Variants in COL5A2 observed in about 807,000 individuals in gnomAD.
COL5A2 encodes the protein collagen type V alpha 2 chain.
A neutral mutation model predicts 208.2 loss-of-function variants in COL5A2; 23 were observed. The observed-to-expected ratio is 0.11, with a 90% CI of 0.08 to 0.16. The LOEUF (loss-of-function observed/expected upper bound fraction) is 0.16, where lower values mean the gene tolerates loss of function less well. COL5A2 is among the 10% of genes least tolerant of loss of function. COL5A2 has a pLI of 1.00. For missense variants in COL5A2, 1,590 were observed against 1,956.4 expected (o/e 0.81, Z 3.53); for synonymous variants, 625 against 628.5 (o/e 0.99, Z 0.08).
chr2:189,258,703 T>C, the COL5A2 span, among the ~76,000 whole-genome samples: 1 of 152,156 alleles, frequency 6.6e-6, no homozygotes, highest in Non-Finnish European at 1.5e-5. Flanking sequence ...TCCATTCATA[T>C]ATGGGATTTA....
At chr2:189,066,600 G>A in intron 22 of COL5A2, 103 bp from the exon 23 acceptor site, 1 of 1,353,900 alleles carries the variant, frequency 7.4e-7, no homozygotes, top group South Asian at 1.2e-5. Flanking sequence ...TAAAGTATAT[G>A]GAACAATGAG....
intron 1 of COL5A2, among the ~76,000 whole-genome samples, chr2:189,170,940 T>C (rs1207055576): frequency 6.6e-6 from 1 of 152,148 alleles, no homozygotes; most frequent in Non-Finnish European, 1.5e-5. Context: ...TGGGAATGTG[T>C]AAAACGGATT....
At chr2:189,078,284 A>G (rs1459440848) in intron 16 of COL5A2, among the ~76,000 whole-genome samples, 1 of 152,136 alleles carries the variant, frequency 6.6e-6, no homozygotes, top group African/African-American at 2.4e-5. Flanking sequence ...AGTAGATGAC[A>G]AATGTACTGT....
the COL5A2 span, among the ~76,000 whole-genome samples, chr2:189,398,066 C>T: frequency 0.028 from 4,241 of 152,182 alleles, 195 homozygotes; most frequent in African/African-American, 0.097. Context: ...CATGATAGAA[C>T]TGCTCAATTT....
At chr2:189,065,121 G>T (rs960545296) in intron 23 of COL5A2, 64 bp from the exon 24 acceptor site, 2 of 1,448,424 alleles carry the variant, frequency 1.4e-6, no homozygotes, top group Admixed American at 3.6e-5. Context: ...TAATGAATAG[G>T]TGATTTTTAT....
At chr2:189,415,180 G>C in the COL5A2 span, among the ~76,000 whole-genome samples, 1 of 152,106 alleles carries the variant, frequency 6.6e-6, no homozygotes, top group Non-Finnish European at 1.5e-5. Flanking sequence ...GTTATGGTAA[G>C]TTAGCACTCC....
At chr2:189,235,828 C>G in the COL5A2 span, among the ~76,000 whole-genome samples, 1 of 151,590 alleles carries the variant, frequency 6.6e-6, no homozygotes, top group Non-Finnish European at 1.5e-5. Context: ...ACTGTTGGCC[C>G]TTGACTAGCA....
the COL5A2 span, among the ~76,000 whole-genome samples, chr2:189,312,164 GTC>G: frequency 6.6e-6 from 1 of 152,166 alleles, no homozygotes; most frequent in Non-Finnish European, 1.5e-5. Flanking sequence ...AATGACTCCA[GTC>G]TCTGACCTGG....
the COL5A2 span, among the ~76,000 whole-genome samples, chr2:189,374,078 T>A: frequency 1.3e-5 from 2 of 152,160 alleles, no homozygotes; most frequent in Admixed American, 6.5e-5. Context: ...GCAGTCTGCA[T>A]GAACCTTACC....
At chr2:189,419,758 T>C in the COL5A2 span, among the ~76,000 whole-genome samples, 2 of 150,936 alleles carry the variant, frequency 1.3e-5, no homozygotes, top group African/African-American at 2.4e-5. Context: ...ATCCTACCAC[T>C]GCACTTCAGC....
chr2:189,185,244 C>G (rs62182459), intron 1 of COL5A2, among the ~76,000 whole-genome samples: 23,488 of 152,104 alleles, frequency 0.15, 2,099 homozygotes, highest in South Asian at 0.2. Context: ...AGGCTGGTCT[C>G]AAACTCCTGA....
chr2:189,064,388 T>C (rs1686100001), intron 25 of COL5A2, among the ~76,000 whole-genome samples, 169 bp downstream of exon 25: 1 of 152,032 alleles, frequency 6.6e-6, no homozygotes, highest in African/African-American at 2.4e-5. Context: ...ATGATAAAAA[T>C]AACAAACCAG....
In COL5A2 at chr2:189,121,735, T is replaced by TAAA. The variant is rs1576540807; in HGVS notation, c.98-11287_98-11286insTTT. 1.1e-3 allele frequency among the ~76,000 whole-genome samples: 5 copies of TAAA among 4,356 alleles called. No homozygotes were observed. The East Asian group carries it at 0.049, about 43-fold the overall frequency. The allele number at this position is 4,356 out of a possible 152,430, so 2.9% of individuals were successfully genotyped here. ...CTGGGTGACAGAGTGAGACTCCGTCTCAAAAAAAAAAAAAAAAAAAAAAAG... is the reference window on the plus strand; with the variant it reads ...CTGGGTGACAGAGTGAGACTCCGTCTAAACAAAAAAAAAAAAAAAAAAAAAAAG... On this transcript the variant is annotated intron_variant, in intron 1 of 53. Coordinates refer to ENST00000374866, the MANE Select transcript of COL5A2 (RefSeq NM_000393.5).
chr2:189,224,385 A>AT (rs1689386081), intron 1 of COL5A2, among the ~76,000 whole-genome samples: 1 of 152,064 alleles, frequency 6.6e-6, no homozygotes, highest in African/African-American at 2.4e-5. Context: ...AGAGGAAACT[A>AT]TTTTTTAAAA....
chr2:189,117,219 T>C (rs977690790), intron 1 of COL5A2, among the ~76,000 whole-genome samples: 1 of 152,190 alleles, frequency 6.6e-6, no homozygotes, highest in Non-Finnish European at 1.5e-5. Context: ...TACAGTTCTG[T>C]CTGGAAGAGC....
At chr2:189,404,859 T>C in the COL5A2 span, among the ~76,000 whole-genome samples, 4 of 152,338 alleles carry the variant, frequency 2.6e-5, no homozygotes, top group African/African-American at 9.6e-5. Flanking sequence ...TATTGCTGAG[T>C]AGTATTCTAC....
chr2:189,273,836 C>T, the COL5A2 span, among the ~76,000 whole-genome samples: 2 of 151,902 alleles, frequency 1.3e-5, no homozygotes, highest in Admixed American at 1.3e-4. Flanking sequence ...TGATGATTAC[C>T]AGAATTTTGG....
Position 189,092,478 on chromosome 2 carries a change from G to A in COL5A2, c.457-58C>T, listed in dbSNP as rs551496257. ...CTGCCAAATATACACTTAGTAGAAA[G>A]CTAAAGGCACAGACTTCTTAATGGC... On this transcript the variant is annotated intron_variant, in intron 6 of 53. Coordinates refer to ENST00000374866, the MANE Select transcript of COL5A2 (RefSeq NM_000393.5). 30 of 1,052,100 alleles carry A rather than the reference G, an allele frequency of 2.9e-5. No homozygotes were observed. In the African/African-American group the frequency reaches 4.1e-4, roughly 14 times the overall value. 65.2% of individuals were successfully genotyped at this position (1,052,100 alleles called of 1,614,324 possible).
the COL5A2 span, among the ~76,000 whole-genome samples, chr2:189,297,296 G>A: frequency 1.3e-5 from 2 of 152,050 alleles, no homozygotes; most frequent in East Asian, 1.9e-4. Flanking sequence ...TTACATTATA[G>A]TCAATGCAGT....
Sources: allele counts gnomAD v4.1 joint callset (sites outside exome capture counted in the v4.1 genomes callset), GRCh38; gene constraint gnomAD v4.1.1; transcripts MANE v1.5; gene names NCBI Gene and HGNC (gene_info 2026-07-23, HGNC 2026-07-21).